Variants in FAT3 observed in about 807,000 individuals in gnomAD.
The protein encoded by FAT3 is FAT atypical cadherin 3, also known as protocadherin Fat 3.
In FAT3, 95 loss-of-function variants were observed where a neutral mutation model predicts 310.2. That is an observed-to-expected ratio of 0.31 (90% CI 0.26 to 0.36). FAT3 has a LOEUF of 0.36. Ranked by LOEUF, FAT3 falls within the 10% of genes least tolerant of loss-of-function variation. The pLI, the probability that FAT3 is intolerant of heterozygous loss-of-function variation, is 1.00. For missense variants in FAT3, 5,408 were observed against 5,715.6 expected, an observed-to-expected ratio of 0.95 and a Z score of 1.74; for synonymous variants, 2,314 against 2,192.9, an observed-to-expected ratio of 1.06 and a Z score of -1.54.
At chr11:92,316,656 G>A (rs1313531753) in intron 1 of FAT3, among the ~76,000 whole-genome samples, 1 of 152,076 alleles carries the variant, frequency 6.6e-6, no homozygotes, top group African/African-American at 2.4e-5. Context: ...AATTGCTGCT[G>A]GAATTGCATG....
chr11:92,291,932 TA>T (rs1946706191), intron 1 of FAT3, among the ~76,000 whole-genome samples: 1 of 152,106 alleles, frequency 6.6e-6, no homozygotes, highest in African/African-American at 2.4e-5. Flanking sequence ...AATATTCAAT[TA>T]TTTTTTTCAA....
At chr11:92,356,794 G>A (rs961592344) in intron 2 of FAT3, among the ~76,000 whole-genome samples, 2 of 152,106 alleles carry the variant, frequency 1.3e-5, no homozygotes, top group African/African-American at 4.8e-5. Flanking sequence ...GATTAGAACA[G>A]GTGGTAGGAA....
At chr11:92,840,075 T>C (rs1948498634) in intron 17 of FAT3, among the ~76,000 whole-genome samples, 1 of 152,170 alleles carries the variant, frequency 6.6e-6, no homozygotes, top group Non-Finnish European at 1.5e-5. Context: ...CCTTTGTATA[T>C]TGACTAGGAA....
chr11:92,857,363 G>T lies in FAT3; in HGVS notation c.11500+15G>T. On this transcript the variant is annotated intron_variant, in intron 20 of 27. Transcript: ENST00000525166. ...AGAGTGCTCAGGTGCAGAGTGGAGT[G>T]GAATGATGCAGATCTAATTTCATAT... 1 of 1,613,666 alleles carries T rather than the reference G, an allele frequency of 6.2e-7. No individual in the cohort carries two copies. The highest frequency in any genetic ancestry group is 8.5e-7 in the Non-Finnish European group (1 of 1,179,778).
chr11:92,810,070 G>T lies in FAT3; in HGVS notation c.9475G>T (p.Asp3159Tyr). 6.2e-7 allele frequency: 1 copy of T among 1,613,448 alleles called. No individual in the cohort carries two copies. The highest frequency in any genetic ancestry group is 1.1e-5 in the South Asian group (1 of 90,870). Residue 3159 changes from aspartate (D) to tyrosine (Y), a missense_variant, in exon 13 of 28, where the codon GAC becomes TAC. Physicochemically the swap from Asp to Tyr is radical, Grantham distance 160 (BLOSUM62 -3). This residue lies in a region of FAT3 where 4,588 missense variants were observed against 4,809.8 expected (regional missense o/e 0.95). Coordinates refer to ENST00000525166, the MANE Select transcript of FAT3 (RefSeq NM_001367949.2). ...GACCAGAGTTCAAGCCGTGGACCCC[G>T]ACATTGGTAAGTCAGTTGCAGGCAT... ...LLTRVQAVDPDIGINRKVVYS... is the reference protein window; with the variant it reads ...LLTRVQAVDPYIGINRKVVYS...
intron 3 of FAT3, among the ~76,000 whole-genome samples, chr11:92,666,517 ATTT>A (rs538189157): frequency 1.5e-5 from 2 of 132,458 alleles, no homozygotes; most frequent in African/African-American, 2.8e-5. Context: ...ACGCCCAGCT[ATTT>A]TTTTTTTTTT....
intron 3 of FAT3, among the ~76,000 whole-genome samples, chr11:92,554,770 C>T (rs913780052): frequency 6.6e-6 from 1 of 152,098 alleles, no homozygotes; most frequent in African/African-American, 2.4e-5. Flanking sequence ...TATGAAGAAC[C>T]GTGTGCTATC....
chr11:92,843,712 G>C (rs775984487), intron 18 of FAT3, among the ~76,000 whole-genome samples: 2 of 152,120 alleles, frequency 1.3e-5, no homozygotes, highest in Non-Finnish European at 2.9e-5. Context: ...TTATTGTGTT[G>C]ATACATTTTA....
chr11:92,878,961 A>C (rs989458716), intron 22 of FAT3, among the ~76,000 whole-genome samples: 1 of 152,160 alleles, frequency 6.6e-6, no homozygotes, highest in Non-Finnish European at 1.5e-5. Context: ...CTGAGTATCC[A>C]GTATTGGCTG....
intron 2 of FAT3, among the ~76,000 whole-genome samples, chr11:92,440,811 C>T (rs1591294634): frequency 6.6e-6 from 1 of 152,100 alleles, no homozygotes; most frequent in East Asian, 1.9e-4. Context: ...ATGCATTAAC[C>T]TGAGAAGTAT....
intron 3 of FAT3, among the ~76,000 whole-genome samples, chr11:92,673,022 A>G (rs1943179341): frequency 6.6e-6 from 1 of 152,160 alleles, no homozygotes; most frequent in Non-Finnish European, 1.5e-5. Flanking sequence ...CAACTCTAAA[A>G]TTTTCCAACT....
At chr11:92,820,001 C>T (rs1264843219) in intron 13 of FAT3, among the ~76,000 whole-genome samples, 1 of 152,110 alleles carries the variant, frequency 6.6e-6, no homozygotes, top group Non-Finnish European at 1.5e-5. Context: ...TGAGAGTGGG[C>T]TGGACTTACT....
intron 4 of FAT3, among the ~76,000 whole-genome samples, chr11:92,699,441 G>A (rs1463266195): frequency 1.3e-5 from 2 of 152,086 alleles, no homozygotes; most frequent in African/African-American, 2.4e-5. Flanking sequence ...GTACATGAAT[G>A]TATTAAATTA....
At chr11:92,787,113 A>G (rs1946915433) in intron 7 of FAT3, among the ~76,000 whole-genome samples, 2 of 152,134 alleles carry the variant, frequency 1.3e-5, no homozygotes, top group African/African-American at 2.4e-5. Flanking sequence ...TCCAGACACT[A>G]CTAAATGTCC....
At chr11:92,776,514 C>T (rs1289194198) in intron 7 of FAT3, among the ~76,000 whole-genome samples, 2 of 152,140 alleles carry the variant, frequency 1.3e-5, no homozygotes, top group Non-Finnish European at 2.9e-5. Flanking sequence ...GTTTTAAATC[C>T]AGGTGACTGA....
chr11:92,261,403 T>C (rs1300998124), intron 1 of FAT3, among the ~76,000 whole-genome samples: 3 of 152,132 alleles, frequency 2.0e-5, no homozygotes, highest in Non-Finnish European at 4.4e-5. Flanking sequence ...TAAAACTGGA[T>C]TCCCCACTAT....
intron 3 of FAT3, among the ~76,000 whole-genome samples, chr11:92,545,864 T>C (rs1307167243): frequency 1.3e-5 from 2 of 152,184 alleles, no homozygotes; most frequent in African/African-American, 4.8e-5. Context: ...CCTCTGGACA[T>C]GTAGTTGCCT....
At chr11:92,832,915 A>G (rs1446978368) in intron 14 of FAT3, among the ~76,000 whole-genome samples, 1 of 152,050 alleles carries the variant, frequency 6.6e-6, no homozygotes. Flanking sequence ...CTCTGTTTGA[A>G]CCCAGTTCAC....
In FAT3 at chr11:92,352,211, G is replaced by A; in HGVS notation, c.99G>A (p.Leu33=). ...FKLLATVSQG[L]PGTGPLGFHF... ...TTTTGGCCACTGTCTCCCAGGGGCT[G>A]CCAGGGACTGGACCCCTGGGCTTCC... The change falls in exon 2 of 28, where the codon CTG becomes CTA. Residue 33 remains leucine (L), a synonymous_variant. Transcript: ENST00000525166. The A allele has an allele frequency of 7.2e-7, 1 of 1,380,050 alleles. No individual in the cohort carries two copies. Among genetic ancestry groups the A allele is most frequent in the Non-Finnish European group, 9.7e-7 (1 of 1,030,596 alleles). 85.5% of individuals were successfully genotyped at this position (1,380,050 alleles called of 1,614,324 possible). A position where few individuals can be genotyped will look rare whatever the true frequency, so the allele number is the denominator to read the frequency against.
Sources: gnomAD v4.1 joint callset for allele counts (sites outside exome capture counted in the v4.1 genomes callset) on GRCh38, gnomAD v4.1.1 for gene constraint, gnomAD v4.1.1 regional missense constraint, MANE v1.5 for transcripts, NCBI Gene and HGNC (gene_info 2026-07-23, HGNC 2026-07-21) for gene names.